TP63: variants seen among roughly 807,000 people sequenced by gnomAD.
TP63 encodes tumor protein 63.
In TP63, 17 loss-of-function variants were observed where a neutral mutation model predicts 82.8. That is an observed-to-expected ratio of 0.21 (90% CI 0.14 to 0.31). The LOEUF (loss-of-function observed/expected upper bound fraction) is 0.31, where lower values mean the gene tolerates loss of function less well. Ranked by LOEUF, TP63 falls within the 10% of genes least tolerant of loss-of-function variation. The pLI is 1.00. For synonymous variants in TP63, 330 were observed against 321.7 expected, an observed-to-expected ratio of 1.03 and a Z score of -0.28; for missense variants, 648 against 895.3, an observed-to-expected ratio of 0.72 and a Z score of 3.52.
intron 10 of TP63, among the ~76,000 whole-genome samples, chr3:189,879,704 T>A (rs777862605): frequency 1.3e-5 from 2 of 152,210 alleles, no homozygotes; most frequent in Non-Finnish European, 2.9e-5. Context: ...ATCTACCTTA[T>A]CTCAGTGGTC....
At position 189,743,046 on chromosome 3, in the gene TP63, G is replaced by A. The variant is rs373826117; in HGVS notation, c.324+4272G>A. ...TAAAAGACTAAAAAAATTGACTAAA[G>A]TTTATATTAAAAAGACATAAACTTT... On this transcript the variant is annotated intron_variant, in intron 3 of 13. Transcript: ENST00000264731. Among the ~76,000 whole-genome samples the A allele has an allele frequency of 1.2e-4, 19 of 152,066 alleles. 1 individual carries two copies. The South Asian group carries it at 2.9e-3, about 23-fold the overall frequency.
At chr3:189,777,345 C>T (rs138913113) in intron 3 of TP63, among the ~76,000 whole-genome samples, 5,484 of 151,934 alleles carry the variant, frequency 0.036, 329 homozygotes, top group African/African-American at 0.13. Flanking sequence ...TACAGGCACC[C>T]GCCACCATGC....
intron 3 of TP63, among the ~76,000 whole-genome samples, chr3:189,744,663 A>G (rs1366143651): frequency 1.3e-5 from 2 of 152,180 alleles, no homozygotes; most frequent in African/African-American, 4.8e-5. Flanking sequence ...CCAGTGTGGA[A>G]CATTTGGGTC....
intron 3 of TP63, among the ~76,000 whole-genome samples, chr3:189,805,613 C>T (rs760012260): frequency 6.6e-6 from 1 of 152,226 alleles, no homozygotes; most frequent in Non-Finnish European, 1.5e-5. Flanking sequence ...GGGAGGCCTT[C>T]GGCCTTGGCC....
intron 1 of TP63, among the ~76,000 whole-genome samples, chr3:189,651,781 C>T (rs1478339506): frequency 6.8e-6 from 1 of 146,662 alleles, no homozygotes; most frequent in African/African-American, 2.6e-5. Flanking sequence ...GCCCCCTGCT[C>T]TGTGCAGCCT....
At chr3:189,782,492 G>A (rs1331688150) in intron 3 of TP63, among the ~76,000 whole-genome samples, 2 of 152,096 alleles carry the variant, frequency 1.3e-5, no homozygotes, top group Non-Finnish European at 2.9e-5. Flanking sequence ...AGACAATACA[G>A]TGCTTTAAAA....
upstream of TP63, among the ~76,000 whole-genome samples, chr3:189,626,761 AC>A (rs2108597680): frequency 6.6e-6 from 1 of 152,226 alleles, no homozygotes; most frequent in Non-Finnish European, 1.5e-5. Flanking sequence ...AATCTGACTT[AC>A]GCCTACAGTG....
chr3:189,669,311 T>C (rs1381526445), intron 1 of TP63, among the ~76,000 whole-genome samples: 1 of 151,412 alleles, frequency 6.6e-6, no homozygotes, highest in Non-Finnish European at 1.5e-5. Context: ...AAGACATTTA[T>C]GGTAAACAAA....
intron 4 of TP63, among the ~76,000 whole-genome samples, chr3:189,840,628 A>G (rs1713939619): frequency 6.6e-6 from 1 of 151,732 alleles, no homozygotes; most frequent in South Asian, 2.1e-4. Flanking sequence ...TGGGAGGCTG[A>G]GGTGGGTGGA....
rs543480891 is a variant in TP63 at position 189,789,009 on chromosome 3, T to TTG, written c.325-19261_325-19260dup. Among the ~76,000 whole-genome samples, 891 of 152,074 alleles carry TTG rather than the reference T, an allele frequency of 5.9e-3. 6 individuals carry two copies. The highest frequency in any genetic ancestry group is 9.7e-3 in the Non-Finnish European group (658 of 67,940). On this transcript the variant is annotated intron_variant, in intron 3 of 13. Transcript: ENST00000264731. Reference sequence around the variant, plus strand: ...TATTTCCCGTACATAATATGGATGTTTGTTTGTTTTTGTAAGTTAACGGGA... The same window carrying TTG: ...TATTTCCCGTACATAATATGGATGTTTGTGTTTGTTTTTGTAAGTTAACGGGA...
In TP63 at chr3:189,897,181, T is replaced by C. The variant is rs1721537763; in HGVS notation, c.*2679T>C. 4.6e-6 allele frequency: 1 copy of C among 218,426 alleles called. No individual in the cohort carries two copies. Among genetic ancestry groups the C allele is most frequent in the Non-Finnish European group, 9.2e-6 (1 of 108,468 alleles). The allele number at this position is 218,426 out of a possible 1,614,324, so 13.5% of individuals were successfully genotyped here. A position where few individuals can be genotyped will look rare whatever the true frequency, so the allele number is the denominator to read the frequency against. On this transcript the variant is annotated 3_prime_UTR_variant, in exon 14 of 14. Coordinates refer to ENST00000264731, the MANE Select transcript of TP63 (RefSeq NM_003722.5). Reference sequence around the variant, plus strand: ...GCTTGTCTTCTGGTACTTTCTGTTATGGGCTTTTGGGGAGCCAGAAGCCAA... The same window carrying C: ...GCTTGTCTTCTGGTACTTTCTGTTACGGGCTTTTGGGGAGCCAGAAGCCAA...
chr3:189,721,179 G>A (rs1242045331), intron 1 of TP63, among the ~76,000 whole-genome samples: 1 of 152,186 alleles, frequency 6.6e-6, no homozygotes, highest in Non-Finnish European at 1.5e-5. Flanking sequence ...ACAGTGGACC[G>A]TCTTTACCAG....
chr3:189,612,494 T>C, the TP63 span, among the ~76,000 whole-genome samples: 3 of 152,336 alleles, frequency 2.0e-5, no homozygotes, highest in Admixed American at 2.0e-4. Context: ...TTAAACCTCC[T>C]TTCTTTGTAA....
chr3:189,851,543 C>G (rs1053568173), intron 4 of TP63, among the ~76,000 whole-genome samples: 1 of 152,036 alleles, frequency 6.6e-6, no homozygotes, highest in African/African-American at 2.4e-5. Flanking sequence ...CCACTGCACT[C>G]CAGCCTGGGT....
intron 1 of TP63, among the ~76,000 whole-genome samples, chr3:189,732,910 C>A (rs961365976): frequency 3.9e-5 from 6 of 152,060 alleles, no homozygotes; most frequent in South Asian, 2.1e-4. Context: ...AATAAAAGAA[C>A]AAAATTCAAA....
chr3:189,642,939 A>G (rs1712029868), intron 1 of TP63, among the ~76,000 whole-genome samples: 1 of 152,136 alleles, frequency 6.6e-6, no homozygotes, highest in Admixed American at 6.5e-5. Flanking sequence ...ATATATTTCC[A>G]AGTATCACTC....
the TP63 span, among the ~76,000 whole-genome samples, chr3:189,620,891 C>G: frequency 1.3e-5 from 2 of 152,182 alleles, no homozygotes; most frequent in African/African-American, 4.8e-5. Context: ...AGGTTGTCCA[C>G]AAGACAGTTC....
intron 3 of TP63, chr3:189,739,012 T>G: frequency 1.8e-6 from 1 of 571,138 alleles, no homozygotes; most frequent in Non-Finnish European, 3.1e-6. Flanking sequence ...TCTTTACATC[T>G]TTTATCTTGA....
At chr3:189,669,121 C>T (rs1265984558) in intron 1 of TP63, among the ~76,000 whole-genome samples, 1 of 151,272 alleles carries the variant, frequency 6.6e-6, no homozygotes, top group East Asian at 1.9e-4. Context: ...GAAAAATGGA[C>T]ACCAAAAGAT....
Sources: gnomAD v4.1 joint callset for allele counts (sites outside exome capture counted in the v4.1 genomes callset) on GRCh38, gnomAD v4.1.1 for gene constraint, MANE v1.5 for transcripts, NCBI Gene and HGNC (gene_info 2026-07-23, HGNC 2026-07-21) for gene names.